The following CERT1 variants were observed in gnomAD, a reference collection of about 807,000 sequenced individuals.
CERT1 encodes the protein ceramide transfer protein.
A neutral mutation model predicts 87.9 loss-of-function variants in CERT1; 31 were observed. The observed-to-expected ratio is 0.35, with a 90% CI of 0.27 to 0.48. CERT1 has a LOEUF of 0.48. Among genes scored for constraint, CERT1 ranks in the 20% least tolerant of loss-of-function variants. The probability of loss-of-function intolerance (pLI) is 0.99; values close to 1 mark genes in which losing one functional copy is unlikely to be tolerated. For synonymous variants in CERT1, 289 were observed against 250.9 expected (o/e 1.15, Z -1.44); for missense variants, 487 against 758.0 (o/e 0.64, Z 4.20).
At chr5:75,443,503 T>C (rs577727310) in intron 3 of CERT1, among the ~76,000 whole-genome samples, 44 of 152,344 alleles carry the variant, frequency 2.9e-4, no homozygotes, top group Admixed American at 2.2e-3. Flanking sequence ...TTGTTACTAA[T>C]TTCTCAAGTC....
In CERT1 at chr5:75,399,315, A is replaced by G. The variant is rs1762376819; in HGVS notation, c.1183T>C (p.Ser395Pro). The G allele has an allele frequency of 6.2e-7, 1 of 1,608,284 alleles. No individual in the cohort carries two copies. The change falls in exon 11 of 17, where the codon TCC becomes CCC. Residue 395 changes from serine to proline, a missense_variant. By Grantham distance (74) the Ser-to-Pro change is moderately conservative (BLOSUM62 -1). Coordinates refer to ENST00000643780, the MANE Select transcript of CERT1 (RefSeq NM_001379029.1). ...TCTATACATTCATACAGTACCTGGG[A>G]GCTGAATCTGTGAACATCATCAGAG... ...SASDDVHRFSSQVEEMVQNHM... is the reference protein window; with the variant it reads ...SASDDVHRFSPQVEEMVQNHM...
intron 16 of CERT1, 43 bp downstream of exon 16, chr5:75,381,029 G>T (rs1761559545): frequency 1.2e-6 from 2 of 1,605,624 alleles, no homozygotes; most frequent in African/African-American, 1.3e-5. Context: ...TCATGATCAA[G>T]AACAGCCACA....
intron 2 of CERT1, among the ~76,000 whole-genome samples, chr5:75,482,290 T>C (rs1409288970): frequency 6.6e-6 from 1 of 152,140 alleles, no homozygotes; most frequent in African/African-American, 2.4e-5. Flanking sequence ...ATTACAGGCC[T>C]GGGGTGGTGG....
chr5:75,495,165 T>C (rs1766998393), intron 2 of CERT1, among the ~76,000 whole-genome samples: 1 of 152,244 alleles, frequency 6.6e-6, no homozygotes, highest in African/African-American at 2.4e-5. Flanking sequence ...AGGGAAAGTA[T>C]ATTTTTAAAA....
At chr5:75,376,081 C>A (rs143170787), downstream of CERT1, 2 of 152,100 alleles carry the variant, frequency 1.3e-5, no homozygotes, top group Non-Finnish European at 2.9e-5. Context: ...CCTCCCAGGT[C>A]CACAAATGAA....
At chr5:75,417,154 C>A in intron 6 of CERT1, 121 bp from the exon 7 acceptor site, 1 of 699,122 alleles carries the variant, frequency 1.4e-6, no homozygotes, top group Non-Finnish European at 2.3e-6. Context: ...TTTAATTTTC[C>A]TCCTGTAGGC....
chr5:75,503,929 T>C (rs1265113871), intron 2 of CERT1, among the ~76,000 whole-genome samples: 1 of 238 alleles, frequency 4.2e-3, no homozygotes. Flanking sequence ...TTTTCTTTTC[T>C]CCAAATAAGC....
In CERT1 at chr5:75,381,142, T is replaced by A. The variant is rs566822672; in HGVS notation, c.1677A>T (p.Val559=). ...INVAMICQTL[V]SPPEGNQEIS... is the part of the protein sequence containing the mutation. ...TTTCCTGGTTTCCCTCTGGTGGGCT[T>A]ACCAAGGTTTGACAAATCATAGCAA... Residue 559 remains valine (V), a synonymous_variant, in exon 16 of 17, where the codon GTA becomes GTT. Coordinates refer to ENST00000643780, the MANE Select transcript of CERT1 (RefSeq NM_001379029.1). The A allele has an allele frequency of 8.1e-6, 13 of 1,614,162 alleles. No homozygotes were observed. The East Asian group carries it at 2.9e-4, about 36-fold the overall frequency.
chr5:75,380,136 T>C (rs561229858), intron 16 of CERT1, among the ~76,000 whole-genome samples: 1 of 152,252 alleles, frequency 6.6e-6, no homozygotes, highest in African/African-American at 2.4e-5. Flanking sequence ...TGGCCCTGTA[T>C]AAAGAAGGTA....
At chr5:75,398,012 C>T (rs1475130150) in intron 11 of CERT1, among the ~76,000 whole-genome samples, 2 of 151,988 alleles carry the variant, frequency 1.3e-5, no homozygotes, top group Admixed American at 1.3e-4. Context: ...GAGCAAGACC[C>T]TGTCTCGAAA....
At chr5:75,399,989 G>C (rs895169286) in intron 10 of CERT1, among the ~76,000 whole-genome samples, 10 of 152,082 alleles carry the variant, frequency 6.6e-5, no homozygotes, top group Admixed American at 3.9e-4. Context: ...AAAATTAGCT[G>C]GGTGTGGTGG....
At chr5:75,393,868 G>A (rs1162412310) in intron 11 of CERT1, among the ~76,000 whole-genome samples, 1 of 151,774 alleles carries the variant, frequency 6.6e-6, no homozygotes, top group Non-Finnish European at 1.5e-5. Context: ...AGGAGTCTGA[G>A]GCAGGAGAAT....
chr5:75,446,813 G>C (rs754646290), intron 3 of CERT1, among the ~76,000 whole-genome samples: 1 of 152,158 alleles, frequency 6.6e-6, no homozygotes, highest in African/African-American at 2.4e-5. Flanking sequence ...ATATGCAGTT[G>C]TTTATGAATG....
At chr5:75,406,211 T>C (rs1762701015) in intron 8 of CERT1, among the ~76,000 whole-genome samples, 1 of 152,256 alleles carries the variant, frequency 6.6e-6, no homozygotes, top group Admixed American at 6.5e-5. Context: ...GTGGAGGCTC[T>C]ACCTTCCAAA....
chr5:75,425,603 G>T, intron 4 of CERT1, 104 bp from the exon 5 acceptor site: 1 of 1,037,852 alleles, frequency 9.6e-7, no homozygotes, highest in Non-Finnish European at 1.4e-6. Context: ...CCTTATAACT[G>T]AGGGCATGGG....
At chr5:75,426,275 G>C in intron 4 of CERT1, 96 bp downstream of exon 4, 1 of 749,002 alleles carries the variant, frequency 1.3e-6, no homozygotes, top group Non-Finnish European at 2.2e-6. Flanking sequence ...CTATAAAAAA[G>C]TTTGTTCAAA....
chr5:75,458,009 T>C (rs757791139), intron 3 of CERT1, among the ~76,000 whole-genome samples: 5 of 151,526 alleles, frequency 3.3e-5, no homozygotes, highest in African/African-American at 7.3e-5. Flanking sequence ...TTGTGCCTGT[T>C]AGAAATAACC....
chr5:75,484,527 C>T (rs1766415478), intron 2 of CERT1, among the ~76,000 whole-genome samples: 1 of 146,272 alleles, frequency 6.8e-6, no homozygotes. Context: ...TCTATAAAGA[C>T]ACAGACTGAA....
intron 8 of CERT1, among the ~76,000 whole-genome samples, chr5:75,405,518 G>A (rs1234907003): frequency 6.6e-6 from 1 of 152,050 alleles, no homozygotes; most frequent in African/African-American, 2.4e-5. Context: ...CAATTGCAAC[G>A]TGTCTGAAAC....
Sources: allele counts gnomAD v4.1 joint callset (sites outside exome capture counted in the v4.1 genomes callset), GRCh38; gene constraint gnomAD v4.1.1; transcripts MANE v1.5; gene names NCBI Gene and HGNC (gene_info 2026-07-23, HGNC 2026-07-21).